Variants in CPQ observed in about 807,000 individuals in gnomAD.
CPQ encodes Ser-Met dipeptidase.
A neutral mutation model predicts 45.7 loss-of-function variants in CPQ; 37 were observed. The ratio of observed to expected loss-of-function variants is 0.81; its 90% CI spans 0.62 to 1.07. CPQ has a LOEUF of 1.07. CPQ is among the 50% of genes least tolerant of loss of function. CPQ has a pLI of 0.00. For synonymous variants in CPQ, 186 were observed against 205.8 expected (o/e 0.90, Z 0.82); for missense variants, 537 against 572.9 (o/e 0.94, Z 0.64).
intron 6 of CPQ, among the ~76,000 whole-genome samples, chr8:97,045,817 G>C (rs1178091241): frequency 6.6e-6 from 1 of 152,192 alleles, no homozygotes; most frequent in African/African-American, 2.4e-5. Context: ...GTCTCTCTAA[G>C]ACAGCTTGAG....
At position 96,854,557 on chromosome 8, in the gene CPQ, A is replaced by AAAAAAAAAAAAAAAC. The variant is rs1554573253; in HGVS notation, c.641+19379_641+19380insAAAAAAAAAAAACAA. ...AAAAAAAAAAAAAAAAAAAAAAAAA[A>AAAAAAAAAAAAAAAC]AATGTGGTGGAACTAAAAGCCCAGT... On this transcript the variant is annotated intron_variant, in intron 3 of 7. Transcript: ENST00000220763. Among the ~76,000 whole-genome samples the AAAAAAAAAAAAAAAC allele has an allele frequency of 2.6e-5, 2 of 76,866 alleles. 1 individual carries two copies. The highest frequency in any genetic ancestry group is 1.0e-4 in the African/African-American group (2 of 19,998). The allele number at this position is 76,866 out of a possible 152,430, so 50.4% of individuals were successfully genotyped here. A position where few individuals can be genotyped will look rare whatever the true frequency, so the allele number is the denominator to read the frequency against.
At chr8:97,089,816 G>A (rs761747322) in intron 7 of CPQ, among the ~76,000 whole-genome samples, 1 of 152,080 alleles carries the variant, frequency 6.6e-6, no homozygotes, top group Non-Finnish European at 1.5e-5. Context: ...AGTATTCAAT[G>A]TGGTTAACAA....
chr8:96,712,856 T>C (rs983751015), intron 1 of CPQ, among the ~76,000 whole-genome samples: 1 of 152,090 alleles, frequency 6.6e-6, no homozygotes, highest in Non-Finnish European at 1.5e-5. Flanking sequence ...TTTCTGCAGC[T>C]GGCTTGAATT....
chr8:96,850,255 C>T (rs923220690), intron 3 of CPQ, among the ~76,000 whole-genome samples: 3 of 152,144 alleles, frequency 2.0e-5, no homozygotes, highest in East Asian at 1.9e-4. Flanking sequence ...TTTCCATGGG[C>T]TTTGAGTTTT....
chr8:96,791,036 T>C (rs1384813657), intron 2 of CPQ, among the ~76,000 whole-genome samples: 1 of 152,168 alleles, frequency 6.6e-6, no homozygotes, highest in Non-Finnish European at 1.5e-5. Context: ...TGCTAATCTA[T>C]GTTAGACACC....
At chr8:96,747,350 A>G (rs1463486930) in intron 1 of CPQ, among the ~76,000 whole-genome samples, 1 of 151,830 alleles carries the variant, frequency 6.6e-6, no homozygotes, top group African/African-American at 2.4e-5. Flanking sequence ...GCAAGGGCTG[A>G]CCAATGCATA....
At chr8:96,703,758 A>G (rs1410110085) in intron 1 of CPQ, among the ~76,000 whole-genome samples, 1 of 152,172 alleles carries the variant, frequency 6.6e-6, no homozygotes, top group Non-Finnish European at 1.5e-5. Context: ...TGATAAACGA[A>G]GAGGTTATCA....
chr8:97,118,799 T>C lies in CPQ; in HGVS notation c.1256-24221T>C, dbSNP rs557204137. Among the ~76,000 whole-genome samples, 3 of 152,304 alleles carry C rather than the reference T, an allele frequency of 2.0e-5. No homozygotes were observed. In the East Asian group the frequency reaches 5.8e-4, roughly 29 times the overall value. On this transcript the variant is annotated intron_variant, in intron 7 of 7. Coordinates refer to ENST00000220763, the MANE Select transcript of CPQ (RefSeq NM_016134.4). ...TGTTATATATAGGTACACACACATA[T>C]GTGCTATATATAGCATATATACACA...
chr8:96,667,441 C>T (rs1049648992), intron 1 of CPQ, among the ~76,000 whole-genome samples: 35 of 151,612 alleles, frequency 2.3e-4, no homozygotes, highest in African/African-American at 7.0e-4. Context: ...CTCCGCCTCC[C>T]GGGTTCAAGC....
At chr8:96,932,843 A>G (rs1812992144) in intron 4 of CPQ, among the ~76,000 whole-genome samples, 1 of 152,186 alleles carries the variant, frequency 6.6e-6, no homozygotes, top group Non-Finnish European at 1.5e-5. Flanking sequence ...TAGGTGTGCA[A>G]TAGATATTTG....
chr8:96,730,387 C>A (rs889644373), intron 1 of CPQ, among the ~76,000 whole-genome samples: 4 of 152,160 alleles, frequency 2.6e-5, no homozygotes, highest in Non-Finnish European at 4.4e-5. Flanking sequence ...GTTCACTCAT[C>A]TCTCTTGGGA....
At chr8:96,674,969 G>A (rs978372179) in intron 1 of CPQ, among the ~76,000 whole-genome samples, 3 of 151,884 alleles carry the variant, frequency 2.0e-5, no homozygotes, top group South Asian at 4.2e-4. Context: ...AATTTATCCC[G>A]CCTGTCCCTG....
chr8:96,823,652 C>A (rs1811339620), intron 2 of CPQ, among the ~76,000 whole-genome samples: 1 of 151,002 alleles, frequency 6.6e-6, no homozygotes, highest in African/African-American at 2.4e-5. Context: ...CTTCAAATTC[C>A]TTTGGTAATA....
intron 4 of CPQ, among the ~76,000 whole-genome samples, chr8:96,880,854 A>T (rs979474322): frequency 6.6e-6 from 1 of 152,048 alleles, no homozygotes; most frequent in Non-Finnish European, 1.5e-5. Context: ...GACGGGTTCA[A>T]CTGAAGCCAA....
chr8:96,654,052 A>G (rs1469689371), intron 1 of CPQ, among the ~76,000 whole-genome samples: 1 of 152,202 alleles, frequency 6.6e-6, no homozygotes, highest in Non-Finnish European at 1.5e-5. Context: ...AAAGAAGTCA[A>G]ATGCAGTCTT....
At chr8:96,753,746 C>T (rs991034880) in intron 1 of CPQ, among the ~76,000 whole-genome samples, 6 of 151,788 alleles carry the variant, frequency 4.0e-5, no homozygotes, top group Non-Finnish European at 7.4e-5. Flanking sequence ...AACTTCTATT[C>T]TCTTTTGAAA....
chr8:97,080,768 C>T (rs986928517), intron 7 of CPQ, among the ~76,000 whole-genome samples: 1 of 152,090 alleles, frequency 6.6e-6, no homozygotes, highest in Non-Finnish European at 1.5e-5. Flanking sequence ...TGTCTTAATT[C>T]TTTCCAGTTC....
rs551100998 is a variant in CPQ, at chr8:96,719,543, G to A, written c.-34-65321G>A. ...CAGAAAGGGGCTCCCACAGTGCAGC[G>A]GTGGGCTGAAGGGCTCCTCAAGTGC... On this transcript the variant is annotated intron_variant, in intron 1 of 7. Transcript: ENST00000220763. 7.2e-5 allele frequency among the ~76,000 whole-genome samples: 11 copies of A among 152,276 alleles called. No homozygotes were observed. The East Asian group carries it at 1.2e-3, about 16-fold the overall frequency.
chr8:96,844,002 A>G (rs570233879), intron 3 of CPQ, among the ~76,000 whole-genome samples: 1 of 152,330 alleles, frequency 6.6e-6, no homozygotes, highest in Non-Finnish European at 1.5e-5. Context: ...TTTTGCATTC[A>G]TAATTGTAAA....
Sources: allele counts gnomAD v4.1 joint callset (sites outside exome capture counted in the v4.1 genomes callset), GRCh38; gene constraint gnomAD v4.1.1; transcripts MANE v1.5; gene names NCBI Gene and HGNC (gene_info 2026-07-23, HGNC 2026-07-21).